Variants in NCKAP5 observed in about 807,000 individuals in gnomAD.
NCKAP5 encodes the protein NCK associated protein 5, also known as nck-associated protein 5.
In NCKAP5, 92 loss-of-function variants were observed where a neutral mutation model predicts 167.0. That is an observed-to-expected ratio of 0.55 (90% confidence interval 0.47 to 0.66). The LOEUF is 0.66. Ranked by LOEUF, NCKAP5 falls within the 30% of genes least tolerant of loss-of-function variation. NCKAP5 has a pLI of 0.00. For missense variants in NCKAP5, 2,378 were observed against 2,315.0 expected (o/e 1.03, Z -0.56); for synonymous variants, 891 against 877.4 (o/e 1.02, Z -0.27).
chr2:132,790,795 G>C (rs1055494177), intron 12 of NCKAP5, among the ~76,000 whole-genome samples: 1 of 152,146 alleles, frequency 6.6e-6, no homozygotes, highest in Non-Finnish European at 1.5e-5. Context: ...AGCACTAAAC[G>C]AGGGTCTAGT....
At chr2:133,588,513 C>G in the NCKAP5 span, among the ~76,000 whole-genome samples, 1 of 151,064 alleles carries the variant, frequency 6.6e-6, no homozygotes, top group Non-Finnish European at 1.5e-5. Flanking sequence ...CTTCCCTCCT[C>G]CCTGCCTCAT....
At chr2:133,396,805 C>T (rs1236279111) in intron 3 of NCKAP5, among the ~76,000 whole-genome samples, 1 of 152,114 alleles carries the variant, frequency 6.6e-6, no homozygotes, top group Non-Finnish European at 1.5e-5. Context: ...CCATAACATA[C>T]AGTACTATAT....
intron 4 of NCKAP5, among the ~76,000 whole-genome samples, chr2:133,279,835 C>T (rs572207203): frequency 3.3e-4 from 50 of 152,322 alleles, no homozygotes; most frequent in African/African-American, 1.1e-3. Context: ...CACAACCATA[C>T]TCTGAAGATG....
intron 8 of NCKAP5, among the ~76,000 whole-genome samples, chr2:132,897,636 T>C (rs1160549943): frequency 6.6e-6 from 1 of 152,164 alleles, no homozygotes; most frequent in African/African-American, 2.4e-5. Context: ...CATCATGAGT[T>C]TGATCATGGA....
chr2:133,041,932 T>G (rs1376435988), intron 6 of NCKAP5, among the ~76,000 whole-genome samples: 1 of 152,206 alleles, frequency 6.6e-6, no homozygotes, highest in Non-Finnish European at 1.5e-5. Flanking sequence ...AATAGCATTA[T>G]GCCTAGTATA....
intron 1 of NCKAP5, among the ~76,000 whole-genome samples, chr2:133,564,265 T>C (rs1277417634): frequency 6.6e-6 from 1 of 152,226 alleles, no homozygotes; most frequent in Non-Finnish European, 1.5e-5. Flanking sequence ...ACAATGATCA[T>C]AATAAGATAG....
intron 19 of NCKAP5, among the ~76,000 whole-genome samples, chr2:132,689,299 C>T (rs115367483): frequency 6.6e-6 from 1 of 152,162 alleles, no homozygotes; most frequent in Non-Finnish European, 1.5e-5. Context: ...TGGTGTGTTA[C>T]CACATGTACT....
At chr2:132,702,096 A>C (rs557648155) in intron 19 of NCKAP5, among the ~76,000 whole-genome samples, 4 of 152,182 alleles carry the variant, frequency 2.6e-5, no homozygotes, top group Non-Finnish European at 4.4e-5. Flanking sequence ...GGAGTAAAAG[A>C]ACGTGTCCTT....
At chr2:133,602,162 A>C in the NCKAP5 span, among the ~76,000 whole-genome samples, 1 of 152,148 alleles carries the variant, frequency 6.6e-6, no homozygotes, top group Non-Finnish European at 1.5e-5. Context: ...CAAAGGGGAG[A>C]CTATTCTGGG....
intron 5 of NCKAP5, among the ~76,000 whole-genome samples, chr2:133,158,985 T>C (rs1407588655): frequency 7.0e-6 from 1 of 142,258 alleles, no homozygotes; most frequent in Non-Finnish European, 1.6e-5. Flanking sequence ...CTAGAAAATG[T>C]GAATTTGGCA....
chr2:133,028,984 G>T (rs1573795002), intron 6 of NCKAP5, among the ~76,000 whole-genome samples: 2 of 152,276 alleles, frequency 1.3e-5, no homozygotes, highest in African/African-American at 4.8e-5. Flanking sequence ...CTTCCGCCAT[G>T]ATTGGAAGCT....
At chr2:132,885,799 T>A (rs1256162333) in intron 8 of NCKAP5, among the ~76,000 whole-genome samples, 1 of 152,224 alleles carries the variant, frequency 6.6e-6, no homozygotes, top group African/African-American at 2.4e-5. Context: ...TGTATTATGT[T>A]TAAAATCTTT....
At chr2:133,435,927 G>A (rs145286920) in intron 3 of NCKAP5, among the ~76,000 whole-genome samples, 23 of 152,066 alleles carry the variant, frequency 1.5e-4, no homozygotes, top group African/African-American at 5.3e-4. Flanking sequence ...CATTCTACGC[G>A]ATCAAAACTG....
At chr2:132,968,019 C>T (rs755695787) in intron 7 of NCKAP5, among the ~76,000 whole-genome samples, 3 of 152,030 alleles carry the variant, frequency 2.0e-5, no homozygotes, top group Non-Finnish European at 4.4e-5. Flanking sequence ...GGCAAATACT[C>T]GTGGCAGGGC....
intron 12 of NCKAP5, among the ~76,000 whole-genome samples, chr2:132,791,234 C>T (rs1684043544): frequency 6.6e-6 from 1 of 152,162 alleles, no homozygotes; most frequent in Non-Finnish European, 1.5e-5. Flanking sequence ...CACAGGAAGC[C>T]AAGCACAGCA....
intron 19 of NCKAP5, among the ~76,000 whole-genome samples, chr2:132,700,404 C>T (rs1183741588): frequency 6.6e-6 from 1 of 152,194 alleles, no homozygotes; most frequent in Non-Finnish European, 1.5e-5. Flanking sequence ...TTGCCCATGC[C>T]TATGTCCTGC....
chr2:132,789,323 A>T (rs1035056531), intron 13 of NCKAP5, among the ~76,000 whole-genome samples: 5 of 152,190 alleles, frequency 3.3e-5, no homozygotes, highest in African/African-American at 1.2e-4. Context: ...AACTCCTTAG[A>T]GGGAGCAATT....
intron 8 of NCKAP5, among the ~76,000 whole-genome samples, chr2:132,923,908 C>G (rs765022346): frequency 7.9e-5 from 12 of 152,140 alleles, no homozygotes; most frequent in Non-Finnish European, 1.5e-4. Flanking sequence ...TCTGTCCTCC[C>G]CTAACCATAT....
At chr2:132,922,725 G>T (rs1427393952) in intron 8 of NCKAP5, among the ~76,000 whole-genome samples, 1 of 152,202 alleles carries the variant, frequency 6.6e-6, no homozygotes, top group Non-Finnish European at 1.5e-5. Context: ...GTTCCCAGAA[G>T]TATAGAGAAG....
Sources: gnomAD v4.1 joint callset for allele counts (sites outside exome capture counted in the v4.1 genomes callset) on GRCh38, gnomAD v4.1.1 for gene constraint, MANE v1.5 for transcripts, NCBI Gene and HGNC (gene_info 2026-07-23, HGNC 2026-07-21) for gene names.